SLC35D4: variants seen among roughly 807,000 people sequenced by gnomAD.
The protein encoded by SLC35D4 is UDP-N-acetylglucosamine transporter SLC35D4.
At chr18:23,369,107 T>C in the SLC35D4 span, among the ~76,000 whole-genome samples, 1 of 152,386 alleles carries the variant, frequency 6.6e-6, no homozygotes, top group South Asian at 2.1e-4. Context: ...GTGTAAGTAC[T>C]GTATGTTCCA....
the SLC35D4 span, among the ~76,000 whole-genome samples, chr18:23,266,843 G>C: frequency 6.6e-6 from 1 of 152,220 alleles, no homozygotes; most frequent in Non-Finnish European, 1.5e-5. Context: ...CCGCCCTGCA[G>C]AGCAGCTTGT....
the SLC35D4 span, among the ~76,000 whole-genome samples, chr18:23,264,003 A>G: frequency 4.6e-5 from 7 of 152,362 alleles, no homozygotes; most frequent in South Asian, 1.4e-3. Flanking sequence ...TCGAGCACCT[A>G]TCACAGGGCC....
At chr18:23,334,151 G>A in the SLC35D4 span, among the ~76,000 whole-genome samples, 1 of 152,168 alleles carries the variant, frequency 6.6e-6, no homozygotes, top group Non-Finnish European at 1.5e-5. Flanking sequence ...ATCAAATATT[G>A]ACTAATCACC....
the SLC35D4 span, chr18:23,373,875 C>T: frequency 6.1e-6 from 7 of 1,140,616 alleles, no homozygotes; most frequent in African/African-American, 1.6e-5. Context: ...AAAGATCCTG[C>T]GAGACCAACT....
the SLC35D4 span, among the ~76,000 whole-genome samples, chr18:23,318,292 A>G: frequency 6.6e-6 from 1 of 152,300 alleles, no homozygotes; most frequent in East Asian, 1.9e-4. Context: ...GTTTTTAAAA[A>G]TGATGGAGGT....
chr18:23,247,581 A>G, the SLC35D4 span, among the ~76,000 whole-genome samples: 1 of 152,222 alleles, frequency 6.6e-6, no homozygotes. Context: ...CGCTGTCGAC[A>G]TCAAGTGGAT....
At chr18:23,294,463 T>G in the SLC35D4 span, among the ~76,000 whole-genome samples, 1 of 152,114 alleles carries the variant, frequency 6.6e-6, no homozygotes, top group Non-Finnish European at 1.5e-5. Flanking sequence ...CAAGAACCAA[T>G]AGAAACTGAC....
At chr18:23,421,331 T>TGAATCATGCATGAGTCC in the SLC35D4 span, 2 of 1,545,534 alleles carry the variant, frequency 1.3e-6, no homozygotes, top group East Asian at 4.5e-5. Flanking sequence ...AAGCAGAGTG[T>TGAATCATGCATGAGTCC]GAATCATGCA....
At chr18:23,435,641 T>C in the SLC35D4 span, among the ~76,000 whole-genome samples, 1 of 152,268 alleles carries the variant, frequency 6.6e-6, no homozygotes, top group South Asian at 2.1e-4. Context: ...AACGACCGTT[T>C]ATCTTATAGT....
the SLC35D4 span, among the ~76,000 whole-genome samples, chr18:23,285,731 C>A: frequency 2.4e-3 from 372 of 152,230 alleles, no homozygotes; most frequent in African/African-American, 7.8e-3. Context: ...AGTCCCAATT[C>A]TTCCTCAGCC....
At chr18:23,296,036 G>A in the SLC35D4 span, 1 of 151,914 alleles carries the variant, frequency 6.6e-6, no homozygotes, top group East Asian at 1.9e-4. Context: ...CATTTATTTT[G>A]GAGCAATGAG....
chr18:23,361,848 C>T, the SLC35D4 span, among the ~76,000 whole-genome samples: 1 of 152,306 alleles, frequency 6.6e-6, no homozygotes, highest in South Asian at 2.1e-4. Flanking sequence ...GAAAGATGTC[C>T]TTTTATTCCC....
At chr18:23,290,187 C>T in the SLC35D4 span, among the ~76,000 whole-genome samples, 1 of 152,232 alleles carries the variant, frequency 6.6e-6, no homozygotes, top group African/African-American at 2.4e-5. Flanking sequence ...TTCCTCAGCA[C>T]CTCCCACACG....
the SLC35D4 span, among the ~76,000 whole-genome samples, chr18:23,302,691 G>T: frequency 6.6e-6 from 1 of 152,182 alleles, no homozygotes; most frequent in African/African-American, 2.4e-5. Flanking sequence ...GCCCAGCCCA[G>T]CCCTTTGGTG....
the SLC35D4 span, among the ~76,000 whole-genome samples, chr18:23,273,942 AT>A: frequency 6.6e-6 from 1 of 151,416 alleles, no homozygotes; most frequent in African/African-American, 2.4e-5. Context: ...TTTTTATTTT[AT>A]TTTTTTTGCG....
At chr18:23,241,447 C>T in the SLC35D4 span, among the ~76,000 whole-genome samples, 2 of 152,072 alleles carry the variant, frequency 1.3e-5, no homozygotes, top group East Asian at 3.9e-4. Context: ...AGGAGAATCG[C>T]TTAAACCCGG....
chr18:23,417,337 TCCA>T, the SLC35D4 span, among the ~76,000 whole-genome samples: 1 of 152,080 alleles, frequency 6.6e-6, no homozygotes, highest in African/African-American at 2.4e-5. Flanking sequence ...TTGTTCAGCC[TCCA>T]CAAGGAATGA....
At chr18:23,258,204 G>A in the SLC35D4 span, 1 of 152,654 alleles carries the variant, frequency 6.6e-6, no homozygotes, top group Non-Finnish European at 1.5e-5. Context: ...CCCGCCACGT[G>A]TATTTAACCC....
chr18:23,351,513 G>T, the SLC35D4 span, among the ~76,000 whole-genome samples: 2 of 151,924 alleles, frequency 1.3e-5, no homozygotes, highest in African/African-American at 4.8e-5. Flanking sequence ...TTTTTTTTCT[G>T]GAGAAACTTC....
Sources: allele counts gnomAD v4.1 joint callset (sites outside exome capture counted in the v4.1 genomes callset), GRCh38; gene constraint gnomAD v4.1.1; transcripts MANE v1.5; gene names NCBI Gene and HGNC (gene_info 2026-07-23, HGNC 2026-07-21).